The following UBASH3B variants were observed in gnomAD, a reference collection of about 807,000 sequenced individuals.
UBASH3B encodes the protein ubiquitin associated and SH3 domain containing B.
In UBASH3B, 37 loss-of-function variants were observed where a neutral mutation model predicts 83.4. The ratio of observed to expected loss-of-function variants is 0.44; its 90% CI spans 0.34 to 0.58. The LOEUF (loss-of-function observed/expected upper bound fraction) is 0.58, where lower values mean the gene tolerates loss of function less well. Among genes scored for constraint, UBASH3B ranks in the 20% least tolerant of loss-of-function variants. The pLI is 0.01. For synonymous variants in UBASH3B, 304 were observed against 318.3 expected (o/e 0.96, Z 0.48); for missense variants, 657 against 827.2 (o/e 0.79, Z 2.52).
chr11:122,686,873 T>A (rs971427298), intron 1 of UBASH3B, among the ~76,000 whole-genome samples: 1 of 151,988 alleles, frequency 6.6e-6, no homozygotes, highest in African/African-American at 2.4e-5. Context: ...GTATTTTTTT[T>A]TTTCTTTTTT....
At chr11:122,657,371 T>G (rs1863378404) in intron 1 of UBASH3B, among the ~76,000 whole-genome samples, 1 of 152,086 alleles carries the variant, frequency 6.6e-6, no homozygotes. Context: ...TCTCTGTAAC[T>G]TCCGCCTCCC....
At chr11:122,681,347 G>T (rs1286005068) in intron 1 of UBASH3B, among the ~76,000 whole-genome samples, 1 of 152,144 alleles carries the variant, frequency 6.6e-6, no homozygotes, top group Non-Finnish European at 1.5e-5. Context: ...TCTTGTTCTA[G>T]CCAGATTCCT....
intron 1 of UBASH3B, among the ~76,000 whole-genome samples, chr11:122,770,233 A>G (rs769252345): frequency 8.5e-5 from 13 of 152,250 alleles, no homozygotes; most frequent in Non-Finnish European, 1.5e-4. Flanking sequence ...TCAACCAATT[A>G]GTTTTCTACT....
At chr11:122,706,929 A>G (rs951865619) in intron 1 of UBASH3B, among the ~76,000 whole-genome samples, 1 of 152,212 alleles carries the variant, frequency 6.6e-6, no homozygotes, top group South Asian at 2.1e-4. Flanking sequence ...TGTTGTCATT[A>G]GTCCACAATG....
Position 122,777,241 on chromosome 11 carries a change from C to T in UBASH3B, c.402+31C>T, listed in dbSNP as rs751880118. The T allele has an allele frequency of 2.5e-6, 4 of 1,585,160 alleles. No homozygotes were observed. The Admixed American group carries it at 5.2e-5, about 21-fold the overall frequency. ...CGGCAGCGCCCCCACCCCTGGGAAG[C>T]CTGGCTCCTAGGATCCCAGCCGGCC... On this transcript the variant is annotated intron_variant, in intron 3 of 13. Coordinates refer to ENST00000284273, the MANE Select transcript of UBASH3B (RefSeq NM_032873.5).
At chr11:122,753,010 C>A (rs1297844558) in intron 1 of UBASH3B, among the ~76,000 whole-genome samples, 1 of 152,040 alleles carries the variant, frequency 6.6e-6, no homozygotes, top group African/African-American at 2.4e-5. Flanking sequence ...TTTCCCAATC[C>A]TCTGTTCCTC....
At chr11:122,674,165 G>A (rs1863635512) in intron 1 of UBASH3B, among the ~76,000 whole-genome samples, 2 of 152,172 alleles carry the variant, frequency 1.3e-5, no homozygotes, top group South Asian at 4.1e-4. Context: ...ACAGCAGTCT[G>A]CTAAGTGCCC....
intron 1 of UBASH3B, among the ~76,000 whole-genome samples, chr11:122,773,136 C>T (rs965604759): frequency 2.0e-5 from 3 of 152,204 alleles, no homozygotes; most frequent in East Asian, 1.9e-4. Context: ...ATAGCAGATG[C>T]GCAGACTCAG....
intron 1 of UBASH3B, among the ~76,000 whole-genome samples, chr11:122,764,062 G>A (rs759274401): frequency 6.6e-6 from 1 of 152,162 alleles, no homozygotes; most frequent in Non-Finnish European, 1.5e-5. Context: ...AGAAAAGGGT[G>A]GCGTAAGTTT....
At chr11:122,657,217 T>C (rs553046842) in intron 1 of UBASH3B, among the ~76,000 whole-genome samples, 52 of 152,382 alleles carry the variant, frequency 3.4e-4, no homozygotes, top group Non-Finnish European at 6.5e-4. Context: ...TGGCCAAACT[T>C]AATCAGTGAG....
In UBASH3B at chr11:122,760,252, G is replaced by C. The variant is rs573222840; in HGVS notation, c.162-15967G>C. On this transcript the variant is annotated intron_variant, in intron 1 of 13. Transcript: ENST00000284273. ...CCAGACAGGTAGGGACCACTTCCTG[G>C]AGGAAATGAAATGCAAGTGAGTGTT... 2.6e-5 allele frequency among the ~76,000 whole-genome samples: 4 copies of C among 152,308 alleles called. No individual in the cohort carries two copies. The East Asian group carries it at 7.7e-4, about 29-fold the overall frequency.
intron 1 of UBASH3B, among the ~76,000 whole-genome samples, chr11:122,761,885 G>A (rs553958614): frequency 5.1e-4 from 75 of 145,706 alleles, no homozygotes; most frequent in South Asian, 2.2e-4. Context: ...TCTGCCTCCC[G>A]GGTTAAAGCG....
At chr11:122,679,901 G>A (rs1320276671) in intron 1 of UBASH3B, among the ~76,000 whole-genome samples, 1 of 152,048 alleles carries the variant, frequency 6.6e-6, no homozygotes, top group East Asian at 1.9e-4. Flanking sequence ...CACGATCTTG[G>A]CTCACTGCAA....
chr11:122,666,259 C>T (rs901505946), intron 1 of UBASH3B, among the ~76,000 whole-genome samples: 1 of 152,258 alleles, frequency 6.6e-6, no homozygotes, highest in Non-Finnish European at 1.5e-5. Flanking sequence ...AGCGTTCGCT[C>T]CCTAAGTGTT....
intron 1 of UBASH3B, among the ~76,000 whole-genome samples, chr11:122,763,578 C>T (rs995616495): frequency 6.6e-6 from 1 of 152,068 alleles, no homozygotes; most frequent in African/African-American, 2.4e-5. Flanking sequence ...TAAAAAAACC[C>T]AGAGCCTTTT....
At chr11:122,744,005 C>T (rs1421258863) in intron 1 of UBASH3B, among the ~76,000 whole-genome samples, 1 of 152,238 alleles carries the variant, frequency 6.6e-6, no homozygotes, top group Non-Finnish European at 1.5e-5. Context: ...TGCTCAGGAG[C>T]TGAGCCAAGT....
rs1861403996 is a variant in UBASH3B at position 122,809,655 on chromosome 11, C to T, written c.1813-94C>T. ...CCACTATCCATTTCTGACTGCAATT[C>T]TCTAGGGCCACATGAATATCTTTGT... On this transcript the variant is annotated intron_variant, in intron 13 of 13. Transcript: ENST00000284273. The T allele has an allele frequency of 1.2e-5, 16 of 1,381,090 alleles. No homozygotes were observed. The South Asian group carries it at 1.9e-4, about 16-fold the overall frequency. The allele number at this position is 1,381,090 out of a possible 1,614,324, so 85.6% of individuals were successfully genotyped here. A position where few individuals can be genotyped will look rare whatever the true frequency, so the allele number is the denominator to read the frequency against.
In UBASH3B at chr11:122,758,235, C is replaced by A. The variant is rs1861313717; in HGVS notation, c.162-17984C>A. 6.6e-6 allele frequency among the ~76,000 whole-genome samples: 1 copy of A among 152,104 alleles called. No homozygotes were observed. The highest frequency in any genetic ancestry group is 1.5e-5 in the Non-Finnish European group (1 of 68,030). ...CACGGCTGGCTAGAGAGTTTTGGAC[C>A]CCTCTCACTTCCTGGCGTGTTTGGT... is the stretch of plus-strand genomic sequence containing the variant. On this transcript the variant is annotated intron_variant, in intron 1 of 13. Coordinates refer to ENST00000284273, the MANE Select transcript of UBASH3B (RefSeq NM_032873.5). This position sits in a 1 kb window ranked among gnomAD's most constrained non-coding sequence, Gnocchi z 4.2.
intron 1 of UBASH3B, among the ~76,000 whole-genome samples, chr11:122,718,172 G>T (rs935548805): frequency 1.3e-5 from 2 of 152,018 alleles, no homozygotes; most frequent in South Asian, 4.1e-4. Context: ...TGATCCTCCC[G>T]CCTTGGCCTC....
Sources: gnomAD v4.1 joint callset for allele counts (sites outside exome capture counted in the v4.1 genomes callset) on GRCh38, gnomAD v4.1.1 for gene constraint, Gnocchi (gnomAD v3.1) non-coding constraint, MANE v1.5 for transcripts, NCBI Gene and HGNC (gene_info 2026-07-23, HGNC 2026-07-21) for gene names.